The following HRH2 variants were observed in gnomAD, a reference collection of about 807,000 sequenced individuals.
The protein encoded by HRH2 is histamine H2 receptor.
HRH2 carries 4 observed loss-of-function variants against 20.1 expected under a neutral mutation model. The observed-to-expected ratio is 0.20, with a 90% CI of 0.10 to 0.45. The LOEUF (loss-of-function observed/expected upper bound fraction) is 0.45. Among genes scored for constraint, HRH2 ranks in the 20% least tolerant of loss-of-function variants. HRH2 has a pLI of 0.99. For synonymous variants in HRH2, 197 were observed against 200.7 expected, an observed-to-expected ratio of 0.98 and a Z score of 0.16; for missense variants, 250 against 461.6, an observed-to-expected ratio of 0.54 and a Z score of 4.20.
chr5:175,700,813 G>A (rs532172976), intron 2 of HRH2, among the ~76,000 whole-genome samples: 27 of 152,282 alleles, frequency 1.8e-4, no homozygotes, highest in South Asian at 8.3e-4. Context: ...GCTTGAACCC[G>A]GGAGGCGAAG....
chr5:175,682,435 C>G (rs905712764), intron 1 of HRH2, among the ~76,000 whole-genome samples: 2 of 152,216 alleles, frequency 1.3e-5, no homozygotes, highest in African/African-American at 4.8e-5. Context: ...AAGTCTGTGT[C>G]TAGATCCTTC....
intron 1 of HRH2, among the ~76,000 whole-genome samples, chr5:175,679,443 G>A (rs1436222712): frequency 1.3e-5 from 2 of 152,190 alleles, no homozygotes; most frequent in Admixed American, 6.5e-5. Flanking sequence ...TGAAAAAAGA[G>A]TAAGAGCTCT....
At chr5:175,698,939 G>A (rs958437171) in intron 2 of HRH2, among the ~76,000 whole-genome samples, 6 of 152,230 alleles carry the variant, frequency 3.9e-5, no homozygotes, top group Non-Finnish European at 7.3e-5. Flanking sequence ...GTTAGCGCAG[G>A]ATGAAGTGAG....
intron 1 of HRH2, among the ~76,000 whole-genome samples, chr5:175,665,320 G>C (rs193051038): frequency 6.6e-6 from 1 of 152,304 alleles, no homozygotes; most frequent in East Asian, 1.9e-4. Context: ...TGGCTGGAGA[G>C]GGGGAGTAGA....
rs568347881 is a variant in HRH2 at position 175,678,671 on chromosome 5, C to T, written c.-525-4038C>T. On this transcript the variant is annotated intron_variant, in intron 1 of 2. Transcript: ENST00000636584. ...CAGAAGGGGCGTCGGGCACAGCGGT[C>T]GCTGCGTGGATGCAGGATTTTCTTT... is the stretch of plus-strand genomic sequence containing the variant. Among the ~76,000 whole-genome samples, 18 of 152,354 alleles carry T rather than the reference C, an allele frequency of 1.2e-4. No individual in the cohort carries two copies. The South Asian group carries it at 3.5e-3, about 30-fold the overall frequency.
chr5:175,658,905 C>G (rs758475671), intron 1 of HRH2, among the ~76,000 whole-genome samples: 14 of 152,168 alleles, frequency 9.2e-5, no homozygotes, highest in Non-Finnish European at 1.9e-4. Flanking sequence ...GCTAATCCCC[C>G]ACCCCGTCCA....
intron 2 of HRH2, chr5:175,685,451 C>CCATT (rs1561732144): frequency 1.3e-6 from 2 of 1,551,662 alleles, no homozygotes; most frequent in South Asian, 1.2e-5. Context: ...TGGAACTGAC[C>CCATT]CATTCATTCA....
intron 1 of HRH2, among the ~76,000 whole-genome samples, chr5:175,663,330 G>A (rs1004065599): frequency 6.6e-6 from 1 of 152,152 alleles, no homozygotes; most frequent in Non-Finnish European, 1.5e-5. Flanking sequence ...AGCTTCTTAG[G>A]TCTTTTGGAT....
At chr5:175,661,238 C>G (rs900435238) in intron 1 of HRH2, among the ~76,000 whole-genome samples, 1 of 152,164 alleles carries the variant, frequency 6.6e-6, no homozygotes. Flanking sequence ...GCTCCTCCCC[C>G]AGGGCTCCTT....
intron 2 of HRH2, chr5:175,703,952 C>A (rs1756864337): frequency 1.3e-5 from 2 of 152,140 alleles, no homozygotes; most frequent in Non-Finnish European, 2.9e-5. Flanking sequence ...AAAAGATTAG[C>A]ATGGCTCCTG....
chr5:175,701,664 C>T (rs1000828751), intron 2 of HRH2, among the ~76,000 whole-genome samples: 10 of 152,166 alleles, frequency 6.6e-5, no homozygotes, highest in African/African-American at 2.4e-4. Flanking sequence ...CCAACTGTCA[C>T]GTGCCCAACC....
chr5:175,697,638 C>G (rs1448569437), intron 2 of HRH2, among the ~76,000 whole-genome samples: 1 of 152,146 alleles, frequency 6.6e-6, no homozygotes, highest in Non-Finnish European at 1.5e-5. Context: ...GAAGAGCTGT[C>G]CGGGTCACAG....
intron 2 of HRH2, among the ~76,000 whole-genome samples, chr5:175,691,005 A>G (rs1040248350): frequency 6.6e-6 from 1 of 151,360 alleles, no homozygotes; most frequent in Non-Finnish European, 1.5e-5. Flanking sequence ...TCTTCCATCC[A>G]AGGGCCCATT....
chr5:175,694,931 G>A (rs933946912), intron 2 of HRH2, among the ~76,000 whole-genome samples: 3 of 152,060 alleles, frequency 2.0e-5, no homozygotes, highest in African/African-American at 7.2e-5. Flanking sequence ...GGTGGGGAAC[G>A]GCTCACGGGG....
rs1561745145 is a variant in HRH2, at chr5:175,708,864, A to C, written c.*893A>C. 1 of 151,862 alleles carries C rather than the reference A, an allele frequency of 6.6e-6. No individual in the cohort carries two copies. The highest frequency in any genetic ancestry group is 1.5e-5 in the Non-Finnish European group (1 of 68,016). 9.4% of individuals were successfully genotyped at this position (151,862 alleles called of 1,614,324 possible). On this transcript the variant is annotated 3_prime_UTR_variant, in exon 3 of 3. Transcript: ENST00000636584. ...GTGGTATGCGGTGGACTTGCTGGAG[A>C]GAGTGTCTGCAGCCAGGCATCATGG... is the stretch of plus-strand genomic sequence containing the variant.
chr5:175,701,857 C>T (rs969008396), intron 2 of HRH2, among the ~76,000 whole-genome samples: 6 of 152,214 alleles, frequency 3.9e-5, no homozygotes, highest in Admixed American at 6.5e-5. Flanking sequence ...TCGCGTTATA[C>T]ACACCTAGAA....
chr5:175,666,590 G>C (rs1762902382), intron 1 of HRH2, among the ~76,000 whole-genome samples: 1 of 152,030 alleles, frequency 6.6e-6, no homozygotes, highest in African/African-American at 2.4e-5. Flanking sequence ...ACCACACCCT[G>C]CTAAGTTTTT....
At chr5:175,700,548 C>T (rs1366806541) in intron 2 of HRH2, among the ~76,000 whole-genome samples, 1 of 152,090 alleles carries the variant, frequency 6.6e-6, no homozygotes, top group Admixed American at 6.5e-5. Context: ...TCTGGGAGAC[C>T]TCAGAGACAG....
intron 2 of HRH2, among the ~76,000 whole-genome samples, chr5:175,692,922 C>T (rs939266989): frequency 6.6e-6 from 1 of 152,170 alleles, no homozygotes; most frequent in Non-Finnish European, 1.5e-5. Flanking sequence ...TTCGGTAAAG[C>T]GTGTCCGTGT....
Sources: gnomAD v4.1 joint callset for allele counts (sites outside exome capture counted in the v4.1 genomes callset) on GRCh38, gnomAD v4.1.1 for gene constraint, MANE v1.5 for transcripts, NCBI Gene and HGNC (gene_info 2026-07-23, HGNC 2026-07-21) for gene names.